SERGEF: variants seen among roughly 807,000 people sequenced by gnomAD.
SERGEF encodes secretion-regulating guanine nucleotide exchange factor.
SERGEF carries 51 observed loss-of-function variants against 50.0 expected under a neutral mutation model. The observed-to-expected ratio is 1.02, with a 90% CI of 0.81 to 1.29. The LOEUF is 1.29. Among genes scored for constraint, SERGEF ranks in the 50% most tolerant of loss-of-function variants. The pLI, the probability that SERGEF is intolerant of heterozygous loss-of-function variation, is 0.00. For missense variants in SERGEF, 521 were observed against 557.0 expected, an observed-to-expected ratio of 0.94 and a Z score of 0.65; for synonymous variants, 205 against 212.4, an observed-to-expected ratio of 0.97 and a Z score of 0.30.
At chr11:17,802,328 G>A (rs368747352) in intron 10 of SERGEF, among the ~76,000 whole-genome samples, 3 of 152,302 alleles carry the variant, frequency 2.0e-5, no homozygotes, top group South Asian at 4.1e-4. Context: ...GAAGCCCAGT[G>A]AGTTCCACTG....
intron 9 of SERGEF, chr11:17,926,915 CAG>C: frequency 2.2e-6 from 1 of 451,636 alleles, no homozygotes; most frequent in Non-Finnish European, 4.5e-6. Flanking sequence ...TAGATCACTG[CAG>C]ACTGTCTGCT....
At chr11:18,000,404 G>C in intron 5 of SERGEF, 93 bp downstream of exon 5, 4 of 803,514 alleles carry the variant, frequency 5.0e-6, no homozygotes, top group Non-Finnish European at 7.8e-6. Flanking sequence ...AGCTATGATC[G>C]AGCCACTGCA....
chr11:17,803,297 C>T (rs1366927758), intron 10 of SERGEF, among the ~76,000 whole-genome samples: 1 of 152,238 alleles, frequency 6.6e-6, no homozygotes, highest in Non-Finnish European at 1.5e-5. Context: ...CAGGCCTAGC[C>T]TAGCCTAGTC....
At chr11:17,990,128 C>T (rs994117966) in intron 7 of SERGEF, among the ~76,000 whole-genome samples, 1 of 152,160 alleles carries the variant, frequency 6.6e-6, no homozygotes, top group African/African-American at 2.4e-5. Context: ...ATTGCTTGCC[C>T]TAGGGCAGTC....
At chr11:17,820,366 T>C (rs1334339700) in intron 10 of SERGEF, among the ~76,000 whole-genome samples, 2 of 152,166 alleles carry the variant, frequency 1.3e-5, no homozygotes, top group African/African-American at 2.4e-5. Flanking sequence ...TGTGGCTCCC[T>C]GCAACCCCCT....
In SERGEF at chr11:18,008,028, G is replaced by A. The variant is rs199965601; in HGVS notation, c.109C>T (p.Leu37=). The A allele has an allele frequency of 3.0e-5, 49 of 1,613,948 alleles. No homozygotes were observed. The highest frequency in any genetic ancestry group is 4.0e-5 in the Non-Finnish European group (47 of 1,179,924). The change falls in exon 2 of 11, where the codon CTG becomes TTG. Residue 37 remains leucine, a synonymous_variant. Coordinates refer to ENST00000265965, the MANE Select transcript of SERGEF (RefSeq NM_012139.4). Reference sequence around the variant, plus strand: ...AAGTCATTCAGTTGCTGGGGCAACAGCACATCTTCCTTATGGCCGAGGCCA... The same window carrying A: ...AAGTCATTCAGTTGCTGGGGCAACAACACATCTTCCTTATGGCCGAGGCCA... ...QLGLGHKEDV[L]LPQQLNDFCK... is the part of the protein sequence containing the mutation.
At chr11:17,891,878 C>T (rs765825160) in intron 9 of SERGEF, among the ~76,000 whole-genome samples, 44 of 152,178 alleles carry the variant, frequency 2.9e-4, no homozygotes, top group Admixed American at 2.0e-4. Context: ...ATCTGTCCTA[C>T]TATTGGCTAG....
intron 9 of SERGEF, among the ~76,000 whole-genome samples, chr11:17,879,803 T>C (rs1851305935): frequency 6.6e-6 from 1 of 152,224 alleles, no homozygotes; most frequent in Admixed American, 6.5e-5. Context: ...ACCATGCGTA[T>C]ATATTTCAAA....
intron 3 of SERGEF, 141 bp downstream of exon 3, chr11:18,006,450 A>T: frequency 2.4e-6 from 2 of 829,402 alleles, no homozygotes; most frequent in Non-Finnish European, 3.7e-6. Flanking sequence ...TGCTGGAATT[A>T]CAATTGTGAG....
At chr11:17,807,338 C>A (rs9783399) in intron 10 of SERGEF, among the ~76,000 whole-genome samples, 627 of 14,170 alleles carry the variant, frequency 0.044, 4 homozygotes, top group African/African-American at 0.065. Flanking sequence ...TCCCCCCCCA[C>A]AAAAAAAATT....
chr11:17,959,744 C>T (rs1852958992), intron 8 of SERGEF, 108 bp from the exon 9 acceptor site: 2 of 934,450 alleles, frequency 2.1e-6, no homozygotes, highest in Non-Finnish European at 1.6e-6. Flanking sequence ...TACCACCTAC[C>T]AGGAGCCTTC....
At chr11:17,830,645 G>GGAGGGA (rs1372174402) in intron 10 of SERGEF, among the ~76,000 whole-genome samples, 9 of 19,380 alleles carry the variant, frequency 4.6e-4, no homozygotes, top group Non-Finnish European at 2.6e-4. Context: ...GGAGGGAGAG[G>GGAGGGA]GAGGGAGAGA....
chr11:17,930,967 G>GA (rs532957231), intron 9 of SERGEF, among the ~76,000 whole-genome samples: 2 of 152,060 alleles, frequency 1.3e-5, no homozygotes, highest in Non-Finnish European at 2.9e-5. Flanking sequence ...TTACACTGCA[G>GA]AAAAAATGGT....
At chr11:17,935,376 G>A (rs1336713513) in intron 9 of SERGEF, among the ~76,000 whole-genome samples, 3 of 152,100 alleles carry the variant, frequency 2.0e-5, no homozygotes, top group Non-Finnish European at 4.4e-5. Flanking sequence ...GCTGAGATGG[G>A]AAGATCTGCT....
chr11:17,968,490 G>A (rs999069308), intron 8 of SERGEF, among the ~76,000 whole-genome samples: 3 of 152,036 alleles, frequency 2.0e-5, no homozygotes, highest in Non-Finnish European at 2.9e-5. Flanking sequence ...GAGTTTGATC[G>A]CTTGAGTTTG....
At chr11:17,928,130 T>G (rs1295787699) in intron 9 of SERGEF, among the ~76,000 whole-genome samples, 1 of 152,182 alleles carries the variant, frequency 6.6e-6, no homozygotes, top group African/African-American at 2.4e-5. Context: ...AATCCAAAGC[T>G]CCTTCTGTAC....
Position 17,863,361 on chromosome 11 carries a change from TAA to T in SERGEF, c.1048+14845_1048+14846del, listed in dbSNP as rs869278316. Among the ~76,000 whole-genome samples the T allele has an allele frequency of 3.9e-5, 6 of 152,338 alleles. No individual in the cohort carries two copies. In the East Asian group the frequency reaches 1.2e-3, roughly 29 times the overall value. ...CGATAGTTCTACACTGTCTAAACAA[TAA>T]AGTCAATGCCTTTCAGCATGCTGTT... On this transcript the variant is annotated intron_variant, in intron 10 of 10. Transcript: ENST00000265965.
At chr11:17,948,616 A>AGT (rs1445386231) in intron 9 of SERGEF, among the ~76,000 whole-genome samples, 2 of 152,220 alleles carry the variant, frequency 1.3e-5, no homozygotes, top group African/African-American at 4.8e-5. Context: ...TGCTGCTTAC[A>AGT]GTGACATAAA....
At chr11:17,911,607 C>T (rs1245761985) in intron 9 of SERGEF, among the ~76,000 whole-genome samples, 3 of 151,802 alleles carry the variant, frequency 2.0e-5, no homozygotes, top group African/African-American at 7.3e-5. Context: ...CCCCGCTCAG[C>T]CTCCCAAGTA....
Sources: gnomAD v4.1 joint callset for allele counts (sites outside exome capture counted in the v4.1 genomes callset) on GRCh38, gnomAD v4.1.1 for gene constraint, MANE v1.5 for transcripts, NCBI Gene and HGNC (gene_info 2026-07-23, HGNC 2026-07-21) for gene names.